LMBRD2: variants seen among roughly 807,000 people sequenced by gnomAD.
LMBRD2 encodes the protein G protein-coupled receptor-associated protein LMBRD2.
Under a neutral mutation model 94.4 loss-of-function variants are expected in LMBRD2, and 55 were observed. The ratio of observed to expected loss-of-function variants is 0.58; its 90% CI spans 0.47 to 0.73. The LOEUF (loss-of-function observed/expected upper bound fraction) is 0.73, where lower values mean the gene tolerates loss of function less well. Ranked by LOEUF, LMBRD2 falls within the 30% of genes least tolerant of loss-of-function variation. LMBRD2 has a pLI of 0.00. For missense variants in LMBRD2, 640 were observed against 831.9 expected (o/e 0.77, Z 2.84); for synonymous variants, 246 against 272.4 (o/e 0.90, Z 0.95).
intron 9 of LMBRD2, among the ~76,000 whole-genome samples, chr5:36,119,963 T>G (rs1352906074): frequency 6.6e-6 from 1 of 152,180 alleles, no homozygotes. Context: ...AATTCTCTAT[T>G]GTCTTATCAA....
chr5:36,120,174 T>C (rs981630309), intron 9 of LMBRD2, among the ~76,000 whole-genome samples: 3 of 151,902 alleles, frequency 2.0e-5, no homozygotes, highest in African/African-American at 4.8e-5. Flanking sequence ...TTCTCCTGCC[T>C]CAGTCTCCCA....
At chr5:36,106,085 TTCTC>T (rs142179435) in intron 16 of LMBRD2, among the ~76,000 whole-genome samples, 5,146 of 152,260 alleles carry the variant, frequency 0.034, 131 homozygotes, top group Non-Finnish European at 0.049. Flanking sequence ...ACATGCTAGA[TTCTC>T]TCTAATTCAT....
intron 9 of LMBRD2, among the ~76,000 whole-genome samples, chr5:36,120,047 A>G (rs879734728): frequency 7.4e-6 from 1 of 134,244 alleles, no homozygotes; most frequent in Non-Finnish European, 1.6e-5. Flanking sequence ...CTTTTCTTTC[A>G]TCTCTCTCTC....
Position 36,102,073 on chromosome 5 carries a change from A to C in LMBRD2, c.*1973T>G, listed in dbSNP as rs1235154091. The C allele has an allele frequency of 6.6e-6, 1 of 151,966 alleles. No individual in the cohort carries two copies. Among genetic ancestry groups the C allele is most frequent in the Non-Finnish European group, 1.5e-5 (1 of 67,876 alleles). 9.4% of individuals were successfully genotyped at this position (151,966 alleles called of 1,614,324 possible). ...CTAAATAAAACAACACTACTTTCAC[A>C]GGACTTTTGATGAATTAGTCCAAAA... On this transcript the variant is annotated 3_prime_UTR_variant, in exon 18 of 18. Coordinates refer to ENST00000296603, the MANE Select transcript of LMBRD2 (RefSeq NM_001007527.2).
At chr5:36,119,712 A>T (rs1743841335) in intron 9 of LMBRD2, among the ~76,000 whole-genome samples, 1 of 152,098 alleles carries the variant, frequency 6.6e-6, no homozygotes, top group South Asian at 2.1e-4. Context: ...ATCTTCTCCC[A>T]TGCCACTCTC....
intron 9 of LMBRD2, among the ~76,000 whole-genome samples, chr5:36,119,669 A>G (rs1485974050): frequency 6.6e-6 from 1 of 152,182 alleles, no homozygotes; most frequent in Non-Finnish European, 1.5e-5. Flanking sequence ...GTGGGTCCTC[A>G]GTACTGCCTC....
rs865957731 is a variant in LMBRD2 at position 36,101,548 on chromosome 5, T to G, written c.*2498A>C. The G allele has an allele frequency of 1.3e-5, 2 of 151,974 alleles. No individual in the cohort carries two copies. Among genetic ancestry groups the G allele is most frequent in the Admixed American group, 6.6e-5 (1 of 15,230 alleles). The allele number at this position is 151,974 out of a possible 1,614,324, so 9.4% of individuals were successfully genotyped here. On this transcript the variant is annotated 3_prime_UTR_variant, in exon 18 of 18. Transcript: ENST00000296603. ...AATAAGCTTCTCAAAAGAGAAAACT[T>G]CTACCCATTACAGTTTTTTACACAG...
At chr5:36,110,315 T>C (rs1743574404) in intron 14 of LMBRD2, among the ~76,000 whole-genome samples, 1 of 152,128 alleles carries the variant, frequency 6.6e-6, no homozygotes, top group Admixed American at 6.6e-5. Context: ...CATACTTCTT[T>C]TCTTTCTGTA....
rs751673288 is a variant in LMBRD2, at chr5:36,137,259, GACT to G, written c.536+12_536+14del. 8.7e-5 allele frequency: 131 copies of G among 1,509,560 alleles called. No homozygotes were observed. The highest frequency in any genetic ancestry group is 1.1e-4 in the Non-Finnish European group (125 of 1,106,420). 93.5% of individuals were successfully genotyped at this position (1,509,560 alleles called of 1,614,324 possible). ...ACATACATTAAAGCAATGTTAAGAAGACTACTTTTCTTACCATTCTAAATGTAA... is the reference window on the plus strand; with the variant it reads ...ACATACATTAAAGCAATGTTAAGAAGACTTTTCTTACCATTCTAAATGTAA... On this transcript the variant is annotated intron_variant, in intron 5 of 17. Coordinates refer to ENST00000296603, the MANE Select transcript of LMBRD2 (RefSeq NM_001007527.2).
At chr5:36,120,707 C>G (rs1473513445) in intron 9 of LMBRD2, among the ~76,000 whole-genome samples, 11 of 152,128 alleles carry the variant, frequency 7.2e-5, no homozygotes, top group Non-Finnish European at 1.5e-4. Context: ...AATTGCTCCT[C>G]TTCTTATTTC....
At chr5:36,146,856 C>G (rs1361461638) in intron 1 of LMBRD2, among the ~76,000 whole-genome samples, 3 of 152,168 alleles carry the variant, frequency 2.0e-5, no homozygotes, top group East Asian at 3.9e-4. Context: ...TGTACATATA[C>G]AGTGAAATAA....
chr5:36,137,641 T>A (rs1744302901), intron 4 of LMBRD2, among the ~76,000 whole-genome samples, 200 bp from the exon 5 acceptor site: 1 of 152,182 alleles, frequency 6.6e-6, no homozygotes, highest in Non-Finnish European at 1.5e-5. Flanking sequence ...GGAAAGCAAA[T>A]GGGTCTTTAA....
intron 11 of LMBRD2, among the ~76,000 whole-genome samples, chr5:36,116,077 A>C (rs1274230782): frequency 6.6e-6 from 1 of 152,194 alleles, no homozygotes; most frequent in East Asian, 1.9e-4. Flanking sequence ...TGAATTCCTC[A>C]GGAAAAATTG....
chr5:36,136,513 C>G lies in LMBRD2; in HGVS notation c.543G>C (p.Gln181His), dbSNP rs1348872601. 1 of 1,613,620 alleles carries G rather than the reference C, an allele frequency of 6.2e-7. No homozygotes were observed. The highest frequency in any genetic ancestry group is 1.7e-5 in the Admixed American group (1 of 59,986). ...VNPHLHLEWN[Q>H]LQTIGIAAAN... ...CAGCAGCTATCCCAATTGTCTGAAG[C>G]TGGTTCCTAAGAAAGGGAAACAACA... The change falls in exon 6 of 18, where the codon CAG becomes CAC. Residue 181 changes from glutamine (Q) to histidine (H), a missense_variant. Gln to His is a conservative substitution (Grantham distance 24). Coordinates refer to ENST00000296603, the MANE Select transcript of LMBRD2 (RefSeq NM_001007527.2).
rs1432499396 is a variant in LMBRD2 at position 36,104,080 on chromosome 5, G to A, written c.2054C>T (p.Ser685Leu). The change falls in exon 18 of 18, where the codon TCG becomes TTG. Residue 685 changes from serine (S) to leucine (L), a missense_variant. By Grantham distance (145) the Ser-to-Leu change is moderately radical. Around this residue, in one of 2 missense-constraint regions of LMBRD2, gnomAD observed 183 missense variants for 189.1 expected, o/e 0.97. Coordinates refer to ENST00000296603, the MANE Select transcript of LMBRD2 (RefSeq NM_001007527.2). ...ATTAAATATGTCACTGCGAGACATCGAGAGATATCGTCCACCAGGCTGATA... is the reference window on the plus strand; with the variant it reads ...ATTAAATATGTCACTGCGAGACATCAAGAGATATCGTCCACCAGGCTGATA... ...GRYQPGGRYL[S>L]MSRSDIFNDV 4 of 1,610,366 alleles carry A rather than the reference G, an allele frequency of 2.5e-6. No homozygotes were observed. Among genetic ancestry groups the A allele is most frequent in the Admixed American group, 1.7e-5 (1 of 59,754 alleles).
At position 36,148,667 on chromosome 5, in the gene LMBRD2, C is replaced by T. The variant is rs553039394; in HGVS notation, c.-58+2889G>A. ...AAGGGCTGTTCGTTTCCTTGCTTAA[C>T]AGAAAAAAAACAGTGCAGAGAGGTT... On this transcript the variant is annotated intron_variant, in intron 1 of 17. Coordinates refer to ENST00000296603, the MANE Select transcript of LMBRD2 (RefSeq NM_001007527.2). Among the ~76,000 whole-genome samples, 30 of 152,104 alleles carry T rather than the reference C, an allele frequency of 2.0e-4. 1 individual carries two copies. Among genetic ancestry groups the T allele is most frequent in the African/African-American group, 4.6e-4 (19 of 41,510 alleles).
chr5:36,139,866 T>G (rs1744362744), intron 4 of LMBRD2, among the ~76,000 whole-genome samples: 1 of 152,208 alleles, frequency 6.6e-6, no homozygotes, highest in Non-Finnish European at 1.5e-5. Flanking sequence ...CTCTTCACCT[T>G]GCTCACCCTC....
chr5:36,144,064 T>A lies in LMBRD2; in HGVS notation c.-57-658A>T, dbSNP rs150151237. Among the ~76,000 whole-genome samples the A allele has an allele frequency of 6.4e-3, 974 of 152,214 alleles. 9 individuals carry two copies. Among genetic ancestry groups the A allele is most frequent in the Non-Finnish European group, 0.01 (706 of 67,970 alleles). On this transcript the variant is annotated intron_variant, in intron 1 of 17. Transcript: ENST00000296603. ...TTGATAAATTCTCATTTTTAATTTT[T>A]CTACTATTTTATATGCAGAAAATTT...
rs944344223 is a variant in LMBRD2 at position 36,151,884 on chromosome 5, A to T, written c.-386T>A. ...TACAGTCCAGCGGCTGACATTTCCC[A>T]GTCAGCCGTAGCGCCGCCCGCTTCC... On this transcript the variant is annotated 5_prime_UTR_variant, in exon 1 of 18. Transcript: ENST00000296603. The surrounding 1 kb of genome is among the most constrained non-coding windows in gnomAD (Gnocchi z 4.7). 1 of 292,018 alleles carries T rather than the reference A, an allele frequency of 3.4e-6. No individual in the cohort carries two copies. The highest frequency in any genetic ancestry group is 6.5e-6 in the Non-Finnish European group (1 of 152,776). The allele number at this position is 292,018 out of a possible 1,614,324, so 18.1% of individuals were successfully genotyped here.
Sources: gnomAD v4.1 joint callset for allele counts (sites outside exome capture counted in the v4.1 genomes callset) on GRCh38, gnomAD v4.1.1 for gene constraint, gnomAD v4.1.1 regional missense constraint, Gnocchi (gnomAD v3.1) non-coding constraint, MANE v1.5 for transcripts, NCBI Gene and HGNC (gene_info 2026-07-23, HGNC 2026-07-21) for gene names.